The following ZNF385D variants were observed in gnomAD, a reference collection of about 807,000 sequenced individuals.
ZNF385D encodes the protein zinc finger protein 385D, also known as zinc finger protein 659.
Under a neutral mutation model 35.8 loss-of-function variants are expected in ZNF385D, and 15 were observed. That is an observed-to-expected ratio of 0.42 (90% confidence interval 0.28 to 0.64). The LOEUF is 0.64. Ranked by LOEUF, ZNF385D falls within the 30% of genes least tolerant of loss-of-function variation. ZNF385D has a pLI of 0.23. For synonymous variants in ZNF385D, 212 were observed against 186.8 expected, an observed-to-expected ratio of 1.13 and a Z score of -1.10; for missense variants, 474 against 494.6, an observed-to-expected ratio of 0.96 and a Z score of 0.39.
At chr3:21,541,495 AGAC>A (rs980683162) in intron 3 of ZNF385D, among the ~76,000 whole-genome samples, 1 of 152,210 alleles carries the variant, frequency 6.6e-6, no homozygotes, top group African/African-American at 2.4e-5. Context: ...AGTAAAAATT[AGAC>A]AACAACAAAT....
intron 2 of ZNF385D, among the ~76,000 whole-genome samples, chr3:21,663,920 T>TC (rs2066319622): frequency 7.6e-6 from 1 of 132,416 alleles, no homozygotes; most frequent in African/African-American, 2.9e-5. Flanking sequence ...TATATATATT[T>TC]ATTTATTTAA....
chr3:21,870,469 A>G (rs1395731783), intron 3 of ZNF385D, among the ~76,000 whole-genome samples: 1 of 152,180 alleles, frequency 6.6e-6, no homozygotes, highest in Non-Finnish European at 1.5e-5. Context: ...CCTTGCGGCT[A>G]CTTATCTTCA....
At chr3:22,321,019 G>GT (rs1181562765) in intron 2 of ZNF385D, among the ~76,000 whole-genome samples, 5 of 151,826 alleles carry the variant, frequency 3.3e-5, no homozygotes, top group Non-Finnish European at 7.4e-5. Flanking sequence ...AATAAATCCT[G>GT]TTATATGATT....
intron 2 of ZNF385D, among the ~76,000 whole-genome samples, chr3:21,645,760 C>T (rs193047315): frequency 3.6e-4 from 55 of 152,208 alleles, no homozygotes; most frequent in Non-Finnish European, 6.9e-4. Context: ...GACAACTGGA[C>T]AAAGGTAGTA....
In ZNF385D at chr3:21,578,997, T is replaced by C. The variant is rs74903621; in HGVS notation, c.166-14313A>G. ...ACTGTAGAGACCTTGTCATCAGCAC[T>C]TAGAGTCTTAGTTCCACTCTTAATT... is the stretch of plus-strand genomic sequence containing the variant. On this transcript the variant is annotated intron_variant, in intron 2 of 7. Coordinates refer to ENST00000281523, the MANE Select transcript of ZNF385D (RefSeq NM_024697.3). Among the ~76,000 whole-genome samples, 1,416 of 152,286 alleles carry C rather than the reference T, an allele frequency of 9.3e-3. 17 individuals are homozygous for C. Among genetic ancestry groups the C allele is most frequent in the African/African-American group, 0.032 (1,342 of 41,550 alleles).
intron 3 of ZNF385D, among the ~76,000 whole-genome samples, chr3:22,104,863 C>G (rs1372498426): frequency 6.6e-6 from 1 of 152,070 alleles, no homozygotes; most frequent in South Asian, 2.1e-4. Context: ...TAACTAAAAG[C>G]AGATTTTCTC....
At chr3:22,120,012 T>A (rs1272695035) in intron 3 of ZNF385D, among the ~76,000 whole-genome samples, 2 of 146,596 alleles carry the variant, frequency 1.4e-5, no homozygotes, top group Non-Finnish European at 3.0e-5. Context: ...TTTTTTTTGG[T>A]AGAAACAGGA....
chr3:22,003,751 C>CAGGTGCCTGAGGTGGG (rs1156230715), intron 3 of ZNF385D, among the ~76,000 whole-genome samples: 1 of 151,800 alleles, frequency 6.6e-6, no homozygotes, highest in South Asian at 2.1e-4. Flanking sequence ...CCTGTAATCT[C>CAGGTGCCTGAGGTGGG]AGCTACTCAG....
chr3:22,336,034 A>G (rs1695145626), intron 2 of ZNF385D, among the ~76,000 whole-genome samples: 1 of 151,858 alleles, frequency 6.6e-6, no homozygotes, highest in African/African-American at 2.4e-5. Context: ...TTCAAAAACT[A>G]GCGCTGATGA....
chr3:22,189,438 T>A (rs560084633), intron 2 of ZNF385D, among the ~76,000 whole-genome samples: 237 of 152,228 alleles, frequency 1.6e-3, no homozygotes, highest in African/African-American at 5.5e-3. Flanking sequence ...AGATCTTATA[T>A]AAAATATTAA....
intron 4 of ZNF385D, among the ~76,000 whole-genome samples, chr3:21,445,475 G>A (rs571575795): frequency 2.1e-4 from 32 of 152,036 alleles, no homozygotes; most frequent in Admixed American, 7.9e-4. Flanking sequence ...CTTTTCTTTA[G>A]CATCTGTAAA....
chr3:22,066,933 C>T (rs1422285108), intron 3 of ZNF385D, among the ~76,000 whole-genome samples: 1 of 152,126 alleles, frequency 6.6e-6, no homozygotes, highest in Non-Finnish European at 1.5e-5. Flanking sequence ...AGAAGTACCC[C>T]ATTCTTGTTT....
At chr3:21,902,755 G>A (rs1178659140) in intron 3 of ZNF385D, among the ~76,000 whole-genome samples, 1 of 152,122 alleles carries the variant, frequency 6.6e-6, no homozygotes, top group Non-Finnish European at 1.5e-5. Flanking sequence ...ACGAGTTAGT[G>A]GGTGCAGCAC....
chr3:21,961,041 C>T (rs73048113), intron 3 of ZNF385D, among the ~76,000 whole-genome samples: 20,068 of 151,910 alleles, frequency 0.13, 1,485 homozygotes, highest in Non-Finnish European at 0.16. Context: ...ATTTATTGTA[C>T]ATTTTGAAAC....
At chr3:21,744,694 A>T (rs2069678949) in intron 1 of ZNF385D, among the ~76,000 whole-genome samples, 1 of 152,142 alleles carries the variant, frequency 6.6e-6, no homozygotes, top group South Asian at 2.1e-4. Context: ...ACATTTTTGT[A>T]CATTGGCCTT....
intron 3 of ZNF385D, among the ~76,000 whole-genome samples, chr3:21,989,428 G>A (rs1422400863): frequency 6.6e-6 from 1 of 152,098 alleles, no homozygotes; most frequent in African/African-American, 2.4e-5. Flanking sequence ...ATGCACTGAT[G>A]CAACAGTCGG....
chr3:22,133,192 T>A (rs1703901382), intron 3 of ZNF385D, among the ~76,000 whole-genome samples: 1 of 152,144 alleles, frequency 6.6e-6, no homozygotes. Flanking sequence ...GGATTTGGAT[T>A]CTTAAATATC....
chr3:21,602,694 G>GAT (rs2064348410), intron 2 of ZNF385D, among the ~76,000 whole-genome samples: 1 of 147,856 alleles, frequency 6.8e-6, no homozygotes, highest in South Asian at 2.1e-4. Flanking sequence ...CACCGCGCCC[G>GAT]GCTAATTTTT....
chr3:22,232,434 G>A (rs1698948857), intron 2 of ZNF385D, among the ~76,000 whole-genome samples: 1 of 151,408 alleles, frequency 6.6e-6, no homozygotes. Flanking sequence ...TGTGCAGAAT[G>A]TGCAGTTTTG....
Sources: gnomAD v4.1 joint callset for allele counts (sites outside exome capture counted in the v4.1 genomes callset) on GRCh38, gnomAD v4.1.1 for gene constraint, MANE v1.5 for transcripts, NCBI Gene and HGNC (gene_info 2026-07-23, HGNC 2026-07-21) for gene names.